SYT16: variants seen among roughly 807,000 people sequenced by gnomAD.
The protein encoded by SYT16 is synaptotagmin-16.
In SYT16, 42 loss-of-function variants were observed where a neutral mutation model predicts 61.4. That is an observed-to-expected ratio of 0.68 (90% CI 0.53 to 0.89). The LOEUF (loss-of-function observed/expected upper bound fraction) is 0.89. Among genes scored for constraint, SYT16 ranks in the 40% least tolerant of loss-of-function variants. The probability of loss-of-function intolerance (pLI) is 0.00; values close to 1 mark genes in which losing one functional copy is unlikely to be tolerated. For synonymous variants in SYT16, 314 were observed against 302.3 expected, an observed-to-expected ratio of 1.04 and a Z score of -0.40; for missense variants, 804 against 807.3, an observed-to-expected ratio of 1.00 and a Z score of 0.05.
chr14:62,040,580 A>G (rs996554642), intron 3 of SYT16, among the ~76,000 whole-genome samples: 2 of 152,100 alleles, frequency 1.3e-5, no homozygotes, highest in Non-Finnish European at 2.9e-5. Flanking sequence ...TTTGAAAGAT[A>G]TTTTGTCTAA....
rs181759013 is a variant in SYT16 at position 61,882,619 on chromosome 14, A to G, written c.-325+69809A>G. On this transcript the variant is annotated intron_variant, in intron 1 of 7. Coordinates refer to ENST00000683842, the MANE Select transcript of SYT16 (RefSeq NM_001367656.1). The stretch of plus-strand genomic sequence containing the variant: ...TCCTCCCCAGCCCCTCCCATATCTC[A>G]TGTTCTCACATTTCAAAACACGATC... Among the ~76,000 whole-genome samples the G allele has an allele frequency of 8.5e-5, 13 of 152,276 alleles. No individual in the cohort carries two copies. In the East Asian group the frequency reaches 2.5e-3, roughly 29 times the overall value.
At position 62,103,011 on chromosome 14, in the gene SYT16, C is replaced by G. The variant is rs1454122026; in HGVS notation, c.*2304C>G. 1 of 152,180 alleles carries G rather than the reference C, an allele frequency of 6.6e-6. No individual in the cohort carries two copies. The highest frequency in any genetic ancestry group is 1.5e-5 in the Non-Finnish European group (1 of 68,026). 9.4% of individuals were successfully genotyped at this position (152,180 alleles called of 1,614,324 possible). A position where few individuals can be genotyped will look rare whatever the true frequency, so the allele number is the denominator to read the frequency against. ...TTTTTATAATTTTACTATGTTGGTG[C>G]TACTCACCAAATAGGATGCATGTAC... On this transcript the variant is annotated 3_prime_UTR_variant, in exon 8 of 8. Coordinates refer to ENST00000683842, the MANE Select transcript of SYT16 (RefSeq NM_001367656.1).
rs374045645 is a variant in SYT16, at chr14:61,867,873, T to C, written c.-325+55063T>C. ...GTTTGCTGAAAGTTTTGATCAAAAA[T>C]AGATGTTGAATTTTGCCAAGTGCTT... On this transcript the variant is annotated intron_variant, in intron 1 of 7. Transcript: ENST00000683842. Among the ~76,000 whole-genome samples the C allele has an allele frequency of 1.2e-4, 19 of 152,198 alleles. 1 individual carries two copies. Among genetic ancestry groups the C allele is most frequent in the African/African-American group, 4.6e-4 (19 of 41,580 alleles).
chr14:61,935,447 T>C (rs553437319), intron 1 of SYT16, among the ~76,000 whole-genome samples: 1 of 152,332 alleles, frequency 6.6e-6, no homozygotes, highest in East Asian at 1.9e-4. Context: ...AGAAGAAAAG[T>C]CCTAAGCCTT....
intron 4 of SYT16, among the ~76,000 whole-genome samples, chr14:62,070,342 C>T (rs573323177): frequency 1.1e-3 from 164 of 152,186 alleles, no homozygotes; most frequent in African/African-American, 3.7e-3. Context: ...ATTAAATAAC[C>T]TTTTTCAAAC....
intron 1 of SYT16, among the ~76,000 whole-genome samples, chr14:61,896,326 T>C (rs1175873453): frequency 6.6e-6 from 1 of 152,216 alleles, no homozygotes. Flanking sequence ...CCCTTTGTCC[T>C]GGAGTCCCCA....
intron 6 of SYT16, among the ~76,000 whole-genome samples, chr14:62,083,426 C>T (rs73264244): frequency 0.052 from 7,893 of 152,134 alleles, 712 homozygotes; most frequent in African/African-American, 0.18. Flanking sequence ...GTGTCCTTCT[C>T]AGTTTTGTGC....
chr14:61,904,391 T>G (rs891658182), intron 1 of SYT16, among the ~76,000 whole-genome samples: 1 of 152,120 alleles, frequency 6.6e-6, no homozygotes, highest in African/African-American at 2.4e-5. Context: ...AGCAGCTCAG[T>G]GTAATGTGAA....
chr14:61,820,211 G>A lies in SYT16; in HGVS notation c.-325+7401G>A, dbSNP rs80111330. Among the ~76,000 whole-genome samples, 1,271 of 152,344 alleles carry A rather than the reference G, an allele frequency of 8.3e-3. 23 individuals carry two copies. Among genetic ancestry groups the A allele is most frequent in the African/African-American group, 0.029 (1,225 of 41,570 alleles). ...CCCCAATGTTTATTGTTTTGTGCAA[G>A]TGTACTTGTACCATGAGCATGTGGA... On this transcript the variant is annotated intron_variant, in intron 1 of 7. Coordinates refer to ENST00000683842, the MANE Select transcript of SYT16 (RefSeq NM_001367656.1).
intron 1 of SYT16, among the ~76,000 whole-genome samples, chr14:61,960,723 A>T (rs192981276): frequency 2.0e-5 from 3 of 152,228 alleles, no homozygotes; most frequent in Non-Finnish European, 4.4e-5. Context: ...TCTGGCCATG[A>T]CTGCCGTACT....
At chr14:61,828,912 A>G (rs1007660449) in intron 1 of SYT16, among the ~76,000 whole-genome samples, 9 of 152,212 alleles carry the variant, frequency 5.9e-5, no homozygotes, top group Non-Finnish European at 1.2e-4. Flanking sequence ...AATCATGGAA[A>G]TGTTAGGGAA....
intron 1 of SYT16, among the ~76,000 whole-genome samples, chr14:61,878,205 A>G (rs1193796826): frequency 6.6e-6 from 1 of 152,256 alleles, no homozygotes; most frequent in Non-Finnish European, 1.5e-5. Context: ...AAAAGTCATT[A>G]TATTGAAAAT....
rs76592876 is a variant in SYT16 at position 62,061,582 on chromosome 14, G to A, written c.524-8021G>A. Among the ~76,000 whole-genome samples the A allele has an allele frequency of 4.9e-4, 74 of 152,192 alleles. 1 individual carries two copies. The East Asian group carries it at 0.014, about 28-fold the overall frequency. ...GAGTTATGCAAACTGTGAGCATAAGGAAGCTAGTGCAGTTACATTAATATC... is the reference window on the plus strand; with the variant it reads ...GAGTTATGCAAACTGTGAGCATAAGAAAGCTAGTGCAGTTACATTAATATC... On this transcript the variant is annotated intron_variant, in intron 3 of 7. Coordinates refer to ENST00000683842, the MANE Select transcript of SYT16 (RefSeq NM_001367656.1).
At chr14:61,910,830 T>C (rs560426567) in intron 1 of SYT16, among the ~76,000 whole-genome samples, 2 of 152,254 alleles carry the variant, frequency 1.3e-5, no homozygotes, top group East Asian at 3.9e-4. Context: ...TGCCCGGCCA[T>C]ATGCTGTCTT....
intron 5 of SYT16, chr14:62,079,354 TAAAAG>T (rs750775305): frequency 6.1e-5 from 74 of 1,217,150 alleles, no homozygotes; most frequent in South Asian, 1.1e-4. Flanking sequence ...ATTTGAATCT[TAAAAG>T]AAAAGGATAT....
intron 1 of SYT16, among the ~76,000 whole-genome samples, chr14:61,930,349 T>C (rs1197327623): frequency 6.6e-6 from 1 of 151,946 alleles, no homozygotes; most frequent in East Asian, 1.9e-4. Flanking sequence ...ATTATCTCCC[T>C]CTCTCACCTG....
chr14:61,864,530 G>C (rs575527376), intron 1 of SYT16, among the ~76,000 whole-genome samples: 7 of 152,382 alleles, frequency 4.6e-5, no homozygotes, highest in African/African-American at 7.2e-5. Context: ...ATTATGATGT[G>C]GTAGAGATGA....
intron 3 of SYT16, among the ~76,000 whole-genome samples, chr14:62,044,373 T>G (rs1021095415): frequency 1.1e-4 from 17 of 152,174 alleles, no homozygotes; most frequent in Non-Finnish European, 2.5e-4. Context: ...CATGGTGGTT[T>G]GCTGTACATA....
intron 1 of SYT16, among the ~76,000 whole-genome samples, chr14:61,866,922 T>C (rs2047173742): frequency 6.6e-6 from 1 of 152,076 alleles, no homozygotes; most frequent in Non-Finnish European, 1.5e-5. Flanking sequence ...GCATTTTATA[T>C]TTTTGCTTAT....
Sources: gnomAD v4.1 joint callset for allele counts (sites outside exome capture counted in the v4.1 genomes callset) on GRCh38, gnomAD v4.1.1 for gene constraint, MANE v1.5 for transcripts, NCBI Gene and HGNC (gene_info 2026-07-23, HGNC 2026-07-21) for gene names.